The following SYNE1 variants were observed in gnomAD, a reference collection of about 807,000 sequenced individuals.
The protein encoded by SYNE1 is spectrin repeat containing nuclear envelope protein 1.
Under a neutral mutation model 1,111.0 loss-of-function variants are expected in SYNE1, and 616 were observed. That is an observed-to-expected ratio of 0.55 (90% CI 0.52 to 0.59). The LOEUF (loss-of-function observed/expected upper bound fraction) is 0.59, where lower values mean the gene tolerates loss of function less well. SYNE1 is among the 20% of genes least tolerant of loss of function. The probability of loss-of-function intolerance (pLI) is 0.00; values close to 1 mark genes in which losing one functional copy is unlikely to be tolerated. For synonymous variants in SYNE1, 3,855 were observed against 3,825.8 expected (o/e 1.01, Z -0.28); for missense variants, 10,006 against 10,417.0 (o/e 0.96, Z 1.72).
At chr6:152,415,789 T>TAA (rs1209590450) in intron 41 of SYNE1, among the ~76,000 whole-genome samples, 2,025 of 72,986 alleles carry the variant, frequency 0.028, 205 homozygotes, top group African/African-American at 0.06. Context: ...TTCAAAGTGG[T>TAA]AAAAAAAAAA....
chr6:152,173,442 T>G (rs745650467), intron 130 of SYNE1, among the ~76,000 whole-genome samples: 1 of 152,212 alleles, frequency 6.6e-6, no homozygotes, highest in Non-Finnish European at 1.5e-5. Flanking sequence ...CTGGGTTATA[T>G]TTTGCTTTAG....
At position 152,488,473 on chromosome 6, in the gene SYNE1, T is replaced by C. The variant is rs1226640337; in HGVS notation, c.970A>G (p.Lys324Glu). The change falls in exon 12 of 146, where the codon AAA becomes GAA. Residue 324 changes from lysine (K) to glutamate (E), a missense_variant. Lys to Glu is a moderately conservative substitution (Grantham distance 56). This residue lies in a region of SYNE1 where 1,971 missense variants were observed against 2,084.1 expected (regional missense o/e 0.95). Transcript: ENST00000367255. ...REDRVIFKEM[K>E]VWIEQFERDL... ...CTCTCAAATTGTTCTATCCAAACTT[T>C]CATTTCCTTAAAAATTACTCTGTCT... The C allele has an allele frequency of 1.4e-5, 23 of 1,606,192 alleles. No individual in the cohort carries two copies. The highest frequency in any genetic ancestry group is 2.0e-5 in the Non-Finnish European group (23 of 1,174,430).
chr6:152,442,722 G>A (rs910790098), intron 30 of SYNE1, among the ~76,000 whole-genome samples: 1 of 152,190 alleles, frequency 6.6e-6, no homozygotes, highest in African/African-American at 2.4e-5. Context: ...AAAGCTAGAG[G>A]ACTGTTTGGG....
At chr6:152,587,527 C>A (rs2099544097) in intron 3 of SYNE1, among the ~76,000 whole-genome samples, 2 of 152,096 alleles carry the variant, frequency 1.3e-5, no homozygotes, top group East Asian at 1.9e-4. Flanking sequence ...GCAAAGGATG[C>A]CTGTAGAATA....
chr6:152,272,235 T>C (rs2153689237), intron 98 of SYNE1, among the ~76,000 whole-genome samples: 1 of 152,288 alleles, frequency 6.6e-6, no homozygotes, highest in East Asian at 1.9e-4. Flanking sequence ...CTCTTTCCCC[T>C]GGGGATAAGA....
At chr6:152,617,809 C>A (rs898037704) in intron 3 of SYNE1, among the ~76,000 whole-genome samples, 1 of 152,082 alleles carries the variant, frequency 6.6e-6, no homozygotes, top group Non-Finnish European at 1.5e-5. Flanking sequence ...ACAGAGGAGG[C>A]AGGATTTGAG....
intron 140 of SYNE1, among the ~76,000 whole-genome samples, chr6:152,139,368 C>T (rs974876756): frequency 4.0e-5 from 6 of 151,612 alleles, no homozygotes; most frequent in Non-Finnish European, 7.4e-5. Flanking sequence ...GTTAGGAGTT[C>T]GAGACCAGCC....
In SYNE1 at chr6:152,455,587, T is replaced by C. The variant is rs1310685451; in HGVS notation, c.2731A>G (p.Met911Val). ...TTCCAATCTCCAGTTTTCTTTACCA[T>C]ACTCTTGATGTGAAAAACAATCATA... ...IADIHVAFQSMVKKTGDWKKH... is the reference protein window; with the variant it reads ...IADIHVAFQSVVKKTGDWKKH... The change falls in exon 24 of 146, where the codon ATG (methionine) becomes GTG (valine). Residue 911 changes from methionine (M) to valine (V), a missense_variant. Around this residue, in one of 7 missense-constraint regions of SYNE1, gnomAD observed 1,971 missense variants for 2,084.1 expected, o/e 0.95. Transcript: ENST00000367255. 12 of 1,614,070 alleles carry C rather than the reference T, an allele frequency of 7.4e-6. No individual in the cohort carries two copies. In the African/African-American group the frequency reaches 1.2e-4, roughly 16 times the overall value.
intron 87 of SYNE1, among the ~76,000 whole-genome samples, chr6:152,314,519 T>G (rs1389990818): frequency 6.6e-6 from 1 of 152,154 alleles, no homozygotes; most frequent in Non-Finnish European, 1.5e-5. Context: ...ACCTGGGCCC[T>G]CTGTCTTTGC....
intron 41 of SYNE1, among the ~76,000 whole-genome samples, chr6:152,415,279 T>A (rs1013801531): frequency 1.3e-5 from 2 of 152,210 alleles, no homozygotes; most frequent in African/African-American, 4.8e-5. Flanking sequence ...TCAAATGAAC[T>A]CACCTGACAA....
chr6:152,526,267 A>C (rs1298496735), intron 4 of SYNE1, 92 bp from the exon 5 acceptor site: 2 of 1,302,816 alleles, frequency 1.5e-6, no homozygotes, highest in South Asian at 1.2e-5. Flanking sequence ...TATGGTGGTG[A>C]AATTTGTAGG....
At chr6:152,412,555 T>C (rs918263799) in intron 42 of SYNE1, among the ~76,000 whole-genome samples, 2 of 152,112 alleles carry the variant, frequency 1.3e-5, no homozygotes, top group African/African-American at 4.8e-5. Context: ...AAACTATAGA[T>C]GTGGAAAACT....
chr6:152,208,362 G>C (rs1295128898), intron 124 of SYNE1, among the ~76,000 whole-genome samples, 156 bp from the exon 125 acceptor site: 1 of 152,114 alleles, frequency 6.6e-6, no homozygotes, highest in Non-Finnish European at 1.5e-5. Context: ...ACTGGGTTTT[G>C]GGTCTATTGC....
Position 152,369,028 on chromosome 6 carries a change from TA to T in SYNE1, c.9750del (p.Phe3250LeufsTer13). ...LWEGQAASKSFRHRVSQLSSQ... is the reference protein window; with the variant it reads ...LWEGQAASKSXRHRVSQLSSQ... ...GAAGACAGCTGCGACACTCTGTGCCTAAAGCTCTTGCTGGCAGCTTGTCCTT... is the reference window on the plus strand; with the variant it reads ...GAAGACAGCTGCGACACTCTGTGCCTAAGCTCTTGCTGGCAGCTTGTCCTT... On this transcript the variant is annotated frameshift_variant, in exon 61 of 146. Coordinates refer to ENST00000367255, the MANE Select transcript of SYNE1 (RefSeq NM_182961.4). LOFTEE classifies it high-confidence loss of function. 6.2e-7 allele frequency: 1 copy of T among 1,614,240 alleles called. No homozygotes were observed. Among genetic ancestry groups the T allele is most frequent in the Non-Finnish European group, 8.5e-7 (1 of 1,180,048 alleles).
At chr6:152,475,790 C>T (rs1209428143) in intron 14 of SYNE1, among the ~76,000 whole-genome samples, 1 of 152,156 alleles carries the variant, frequency 6.6e-6, no homozygotes, top group African/African-American at 2.4e-5. Flanking sequence ...GAAAGGGCTG[C>T]AGGAATGGTC....
chr6:152,610,789 G>A (rs2099629071), intron 3 of SYNE1, among the ~76,000 whole-genome samples: 1 of 152,176 alleles, frequency 6.6e-6, no homozygotes, highest in African/African-American at 2.4e-5. Context: ...GACTAACAGT[G>A]GATCTCTCAG....
At chr6:152,574,916 A>G (rs2099490363) in intron 3 of SYNE1, among the ~76,000 whole-genome samples, 1 of 152,080 alleles carries the variant, frequency 6.6e-6, no homozygotes, top group Admixed American at 6.6e-5. Context: ...TTTGTTTTTA[A>G]TTTTGTTTGC....
At chr6:152,299,505 G>A (rs1329988793) in intron 93 of SYNE1, among the ~76,000 whole-genome samples, 1 of 152,178 alleles carries the variant, frequency 6.6e-6, no homozygotes, top group Non-Finnish European at 1.5e-5. Context: ...GGCCTTGCAG[G>A]TAGGGCCATG....
rs956391331 is a variant in SYNE1, at chr6:152,442,938, A to G, written c.3838-693T>C. Reference sequence around the variant, plus strand: ...TCCAGCCTGTGTGGCAGAGTGAGACACTGTCTCCAAAAATAAATGAATAAA... The same window carrying G: ...TCCAGCCTGTGTGGCAGAGTGAGACGCTGTCTCCAAAAATAAATGAATAAA... On this transcript the variant is annotated intron_variant, in intron 30 of 145. Transcript: ENST00000367255. Among the ~76,000 whole-genome samples, 3 of 152,172 alleles carry G rather than the reference A, an allele frequency of 2.0e-5. No individual in the cohort carries two copies. In the East Asian group the frequency reaches 5.8e-4, roughly 29 times the overall value.
Sources: allele counts gnomAD v4.1 joint callset (sites outside exome capture counted in the v4.1 genomes callset), GRCh38; gene constraint gnomAD v4.1.1; regional missense constraint gnomAD v4.1.1; transcripts MANE v1.5; gene names NCBI Gene and HGNC (gene_info 2026-07-23, HGNC 2026-07-21).